Variants in ADGRV1 observed in about 807,000 individuals in gnomAD.
ADGRV1 encodes adhesion G protein-coupled receptor V1, also known as G-protein coupled receptor 98.
In ADGRV1, 359 loss-of-function variants were observed where a neutral mutation model predicts 596.2. That is an observed-to-expected ratio of 0.60 (90% confidence interval 0.55 to 0.66). ADGRV1 has a LOEUF of 0.66. Ranked by LOEUF, ADGRV1 falls within the 30% of genes least tolerant of loss-of-function variation. ADGRV1 has a pLI of 0.00. For missense variants in ADGRV1, 7,274 were observed against 7,575.6 expected (o/e 0.96, Z 1.48); for synonymous variants, 2,681 against 2,679.2 (o/e 1.00, Z -0.02).
At chr5:91,079,446 A>G (rs1562189398) in intron 86 of ADGRV1, among the ~76,000 whole-genome samples, 1 of 152,238 alleles carries the variant, frequency 6.6e-6, no homozygotes, top group Non-Finnish European at 1.5e-5. Flanking sequence ...TCTGCCTGGA[A>G]GATGATGTGT....
chr5:91,027,560 T>A (rs1483549911), intron 85 of ADGRV1, among the ~76,000 whole-genome samples: 1 of 152,188 alleles, frequency 6.6e-6, no homozygotes, highest in Non-Finnish European at 1.5e-5. Flanking sequence ...ACTGAGGAGA[T>A]GGCTCTGCTC....
intron 87 of ADGRV1, among the ~76,000 whole-genome samples, chr5:91,137,245 C>T (rs569693553): frequency 1.6e-4 from 24 of 152,144 alleles, no homozygotes; most frequent in African/African-American, 5.8e-4. Context: ...GCCACTGTAC[C>T]CAGCCCTTTG....
chr5:91,137,458 G>A (rs1037509435), intron 87 of ADGRV1, among the ~76,000 whole-genome samples: 2 of 152,122 alleles, frequency 1.3e-5, no homozygotes, highest in South Asian at 4.1e-4. Flanking sequence ...ACTGAGTTAG[G>A]CTTCATATGC....
chr5:90,870,737 T>G (rs1331609078), intron 83 of ADGRV1, among the ~76,000 whole-genome samples: 1 of 152,176 alleles, frequency 6.6e-6, no homozygotes, highest in Non-Finnish European at 1.5e-5. Context: ...GCTCTGATCA[T>G]AGGTTTGCTG....
intron 38 of ADGRV1, 132 bp from the exon 39 acceptor site, chr5:90,708,684 A>C: frequency 2.0e-6 from 1 of 504,996 alleles, no homozygotes; most frequent in South Asian, 4.7e-5. Flanking sequence ...TCTAATTTAC[A>C]TCTGTCTACT....
chr5:90,817,928 T>C (rs991144431), intron 75 of ADGRV1, among the ~76,000 whole-genome samples: 2 of 152,192 alleles, frequency 1.3e-5, no homozygotes, highest in Non-Finnish European at 2.9e-5. Context: ...AACTTTAAAG[T>C]AGTTTTTTCC....
At chr5:91,003,355 C>T (rs1581760742) in intron 85 of ADGRV1, among the ~76,000 whole-genome samples, 1 of 152,232 alleles carries the variant, frequency 6.6e-6, no homozygotes, top group Non-Finnish European at 1.5e-5. Context: ...GGTAGCACAG[C>T]TAGAATTAAA....
At chr5:91,138,215 G>A (rs569670663) in intron 87 of ADGRV1, among the ~76,000 whole-genome samples, 35 of 150,026 alleles carry the variant, frequency 2.3e-4, no homozygotes, top group African/African-American at 6.4e-4. Flanking sequence ...AAAGCATCTC[G>A]TTACATAATT....
At chr5:90,732,797 CATGAAAGAATGAGAATGAAGT>C (rs1256896927) in intron 50 of ADGRV1, among the ~76,000 whole-genome samples, 2 of 152,220 alleles carry the variant, frequency 1.3e-5, no homozygotes, top group Non-Finnish European at 2.9e-5. Context: ...TCTGTACACT[CATGAAAGAATGAGAATGAAGT>C]AGAAAAACAG....
intron 70 of ADGRV1, chr5:90,791,589 C>T: frequency 2.1e-6 from 1 of 476,692 alleles, no homozygotes. Context: ...TTAATACTTA[C>T]AAAGTTCTAG....
chr5:90,642,064 A>C (rs1018352163), intron 11 of ADGRV1, among the ~76,000 whole-genome samples: 2 of 152,206 alleles, frequency 1.3e-5, no homozygotes, highest in Non-Finnish European at 2.9e-5. Flanking sequence ...ATTAAGGAGA[A>C]TAGAAGGCAT....
chr5:90,921,058 C>G (rs1773830838), intron 83 of ADGRV1, among the ~76,000 whole-genome samples: 1 of 152,128 alleles, frequency 6.6e-6, no homozygotes, highest in Non-Finnish European at 1.5e-5. Flanking sequence ...ATTTCAAGTT[C>G]CCTATGTGTT....
intron 83 of ADGRV1, among the ~76,000 whole-genome samples, chr5:90,933,990 G>A (rs11744148): frequency 0.17 from 26,324 of 152,106 alleles, 2,682 homozygotes; most frequent in Non-Finnish European, 0.23. Flanking sequence ...CGCAGGCACA[G>A]CTGCCTAGAC....
In ADGRV1 at chr5:91,156,312, C is replaced by G. The variant is rs375390667; in HGVS notation, c.18802+2914C>G. The stretch of plus-strand genomic sequence containing the variant: ...GGAAACAGGAATGTTATAGATAATA[C>G]CAACATTTAAAGAGTGAATTAGAAG... On this transcript the variant is annotated intron_variant, in intron 89 of 89. Coordinates refer to ENST00000405460, the MANE Select transcript of ADGRV1 (RefSeq NM_032119.4). Among the ~76,000 whole-genome samples, 15 of 152,102 alleles carry G rather than the reference C, an allele frequency of 9.9e-5. No individual in the cohort carries two copies. The East Asian group carries it at 2.7e-3, about 27-fold the overall frequency.
At chr5:90,729,259 T>C (rs567274866) in intron 49 of ADGRV1, among the ~76,000 whole-genome samples, 20 of 152,322 alleles carry the variant, frequency 1.3e-4, no homozygotes, top group African/African-American at 4.8e-4. Flanking sequence ...TGATGTGCCA[T>C]GAATAATTTA....
chr5:90,949,749 G>A (rs952496632), intron 83 of ADGRV1, among the ~76,000 whole-genome samples: 4 of 152,104 alleles, frequency 2.6e-5, no homozygotes, highest in Admixed American at 1.3e-4. Context: ...TGAATGATAA[G>A]CCAGAAAGAA....
intron 83 of ADGRV1, among the ~76,000 whole-genome samples, chr5:90,925,602 TC>T (rs1395747078): frequency 3.3e-5 from 5 of 151,738 alleles, no homozygotes; most frequent in Non-Finnish European, 7.4e-5. Context: ...CTTCCTCTTT[TC>T]CTAACTGAAT....
chr5:90,620,567 A>C lies in ADGRV1; in HGVS notation c.453+1386A>C, dbSNP rs545583304. 6.7e-3 allele frequency among the ~76,000 whole-genome samples: 1,018 copies of C among 152,032 alleles called. 8 individuals are homozygous for C. Among genetic ancestry groups the C allele is most frequent in the South Asian group, 0.019 (90 of 4,814 alleles). On this transcript the variant is annotated intron_variant, in intron 4 of 89. Transcript: ENST00000405460. The stretch of plus-strand genomic sequence containing the variant: ...TAGGTTGCCTGTTCACTCTGATGGT[A>C]GTTTCTTTTGCTGTGCAGAAGCTCT...
intron 29 of ADGRV1, among the ~76,000 whole-genome samples, chr5:90,688,746 G>A (rs1376042314): frequency 6.6e-6 from 1 of 152,160 alleles, no homozygotes; most frequent in African/African-American, 2.4e-5. Flanking sequence ...AAAGTAAACT[G>A]AGGAAAACAC....
Sources: gnomAD v4.1 joint callset for allele counts (sites outside exome capture counted in the v4.1 genomes callset) on GRCh38, gnomAD v4.1.1 for gene constraint, MANE v1.5 for transcripts, NCBI Gene and HGNC (gene_info 2026-07-23, HGNC 2026-07-21) for gene names.